FMN2: variants seen among roughly 807,000 people sequenced by gnomAD.
The protein encoded by FMN2 is formin-2.
In FMN2, 51 loss-of-function variants were observed where a neutral mutation model predicts 142.3. The observed-to-expected ratio is 0.36, with a 90% confidence interval of 0.29 to 0.45. FMN2 has a LOEUF of 0.45. FMN2 is among the 20% of genes least tolerant of loss of function. FMN2 has a pLI of 1.00. For synonymous variants in FMN2, 882 were observed against 869.8 expected (o/e 1.01, Z -0.25); for missense variants, 1,936 against 2,122.8 (o/e 0.91, Z 1.73).
At chr1:240,179,638 A>G (rs1369771044) in intron 3 of FMN2, 1 of 152,360 alleles carries the variant, frequency 6.6e-6, no homozygotes, top group African/African-American at 2.4e-5. Context: ...GACCTCTAAC[A>G]TGATAGCACC....
At chr1:240,188,134 T>C in intron 3 of FMN2, 73 bp from the exon 4 acceptor site, 2 of 1,458,518 alleles carry the variant, frequency 1.4e-6, no homozygotes, top group South Asian at 2.4e-5. Context: ...TTAGTGAAAG[T>C]TTTATTTTCT....
rs983970608 is a variant in FMN2 at position 240,123,456 on chromosome 1, G to A, written c.1782+111G>A. ...AATTTAAAAACAACATGTGATTCAAGCATTTTTTTTCCTTAGCTGCTCAAC... is the reference window on the plus strand; with the variant it reads ...AATTTAAAAACAACATGTGATTCAAACATTTTTTTTCCTTAGCTGCTCAAC... On this transcript the variant is annotated intron_variant, in intron 2 of 17. Transcript: ENST00000319653. 1.1e-5 allele frequency: 11 copies of A among 983,574 alleles called. No homozygotes were observed. In the Admixed American group the frequency reaches 2.1e-4, roughly 19 times the overall value. 60.9% of individuals were successfully genotyped at this position (983,574 alleles called of 1,614,324 possible). A position where few individuals can be genotyped will look rare whatever the true frequency, so the allele number is the denominator to read the frequency against.
chr1:240,136,316 C>T (rs1046902748), intron 2 of FMN2, among the ~76,000 whole-genome samples: 10 of 152,196 alleles, frequency 6.6e-5, no homozygotes, highest in African/African-American at 2.2e-4. Context: ...GTTATTCCCC[C>T]GATCATGAAG....
intron 15 of FMN2, among the ~76,000 whole-genome samples, chr1:240,405,504 G>C (rs140043317): frequency 0.015 from 2,231 of 152,158 alleles, 61 homozygotes; most frequent in African/African-American, 0.049. Flanking sequence ...TGTAATCCCA[G>C]CTACTCAGGA....
chr1:240,245,863 A>G (rs1377696517), intron 6 of FMN2, among the ~76,000 whole-genome samples: 1 of 152,166 alleles, frequency 6.6e-6, no homozygotes, highest in African/African-American at 2.4e-5. Context: ...ATTCTGCCTC[A>G]GCCTGAGAGG....
chr1:240,144,985 G>T, intron 2 of FMN2: 1 of 1,280,894 alleles, frequency 7.8e-7, no homozygotes, highest in Non-Finnish European at 1.1e-6. Context: ...TCATGGTCAT[G>T]GCCAAAACAG....
intron 2 of FMN2, among the ~76,000 whole-genome samples, chr1:240,153,126 C>T (rs756854287): frequency 4.6e-5 from 7 of 152,096 alleles, no homozygotes; most frequent in Non-Finnish European, 4.4e-5. Context: ...TGCTGTGTGG[C>T]ACTGGCTGGC....
At chr1:240,325,058 G>C (rs924151054) in intron 8 of FMN2, among the ~76,000 whole-genome samples, 3 of 152,110 alleles carry the variant, frequency 2.0e-5, no homozygotes, top group Non-Finnish European at 1.5e-5. Flanking sequence ...AATGAAAAGG[G>C]ATATGTTTTT....
intron 15 of FMN2, among the ~76,000 whole-genome samples, chr1:240,404,639 CTTTTA>C (rs1674089948): frequency 6.6e-6 from 1 of 152,164 alleles, no homozygotes; most frequent in Non-Finnish European, 1.5e-5. Flanking sequence ...TGTTTCATGC[CTTTTA>C]TTTTCGGGCC....
intron 3 of FMN2, among the ~76,000 whole-genome samples, chr1:240,187,408 C>T (rs1351826535): frequency 6.6e-6 from 1 of 152,030 alleles, no homozygotes; most frequent in Non-Finnish European, 1.5e-5. Flanking sequence ...CTCGTCTTCA[C>T]CTTGCCAACA....
chr1:240,222,982 C>T (rs1667174950), intron 6 of FMN2, among the ~76,000 whole-genome samples: 1 of 152,142 alleles, frequency 6.6e-6, no homozygotes, highest in Non-Finnish European at 1.5e-5. Flanking sequence ...TTATTTCTTT[C>T]TTTTGCCTGA....
intron 1 of FMN2, among the ~76,000 whole-genome samples, chr1:240,102,751 T>G (rs1661457393): frequency 6.6e-6 from 1 of 152,174 alleles, no homozygotes. Context: ...GGATTCAATA[T>G]TTTGGGGATA....
intron 7 of FMN2, among the ~76,000 whole-genome samples, chr1:240,292,555 G>T (rs918161874): frequency 6.6e-6 from 1 of 152,084 alleles, no homozygotes; most frequent in Non-Finnish European, 1.5e-5. Flanking sequence ...CACATTTGTT[G>T]AATACATTTG....
intron 16 of FMN2, among the ~76,000 whole-genome samples, chr1:240,462,802 T>G (rs1018276382): frequency 6.6e-6 from 1 of 151,938 alleles, no homozygotes; most frequent in African/African-American, 2.4e-5. Flanking sequence ...AGTGAAAATC[T>G]GGGGGGGAAA....
intron 15 of FMN2, among the ~76,000 whole-genome samples, chr1:240,407,435 G>A (rs1344224728): frequency 6.6e-6 from 1 of 152,136 alleles, no homozygotes; most frequent in African/African-American, 2.4e-5. Context: ...CACCGTGCCC[G>A]GCCACAGCTA....
intron 8 of FMN2, among the ~76,000 whole-genome samples, chr1:240,313,155 T>C (rs996952750): frequency 2.5e-4 from 38 of 152,222 alleles, no homozygotes; most frequent in African/African-American, 8.4e-4. Context: ...GTGAGCTGTC[T>C]ACAAAACGAT....
chr1:240,321,212 A>G (rs1489939886), intron 8 of FMN2, among the ~76,000 whole-genome samples: 6 of 151,720 alleles, frequency 4.0e-5, no homozygotes, highest in East Asian at 1.9e-4. Flanking sequence ...AACCGTGGTT[A>G]TTCATACCTT....
intron 1 of FMN2, among the ~76,000 whole-genome samples, chr1:240,119,783 G>T (rs1163868445): frequency 6.6e-6 from 1 of 152,152 alleles, no homozygotes; most frequent in Non-Finnish European, 1.5e-5. Context: ...GGCTGGATGT[G>T]CACGTACACA....
intron 4 of FMN2, among the ~76,000 whole-genome samples, chr1:240,198,321 A>G (rs1279395004): frequency 6.6e-6 from 1 of 152,164 alleles, no homozygotes; most frequent in Non-Finnish European, 1.5e-5. Context: ...TTTGTTCACT[A>G]AAGATCATTA....
Sources: gnomAD v4.1 joint callset for allele counts (sites outside exome capture counted in the v4.1 genomes callset) on GRCh38, gnomAD v4.1.1 for gene constraint, MANE v1.5 for transcripts, NCBI Gene and HGNC (gene_info 2026-07-23, HGNC 2026-07-21) for gene names.